Variants in GRID2 observed in about 807,000 individuals in gnomAD.
GRID2 encodes glutamate ionotropic receptor delta type subunit 2.
In GRID2, 33 loss-of-function variants were observed where a neutral mutation model predicts 114.8. That is an observed-to-expected ratio of 0.29 (90% confidence interval 0.22 to 0.38). The LOEUF is 0.38. Among genes scored for constraint, GRID2 ranks in the 10% least tolerant of loss-of-function variants. The pLI, the probability that GRID2 is intolerant of heterozygous loss-of-function variation, is 1.00. For missense variants in GRID2, 1,184 were observed against 1,257.7 expected (o/e 0.94, Z 0.89); for synonymous variants, 505 against 449.9 (o/e 1.12, Z -1.55).
At chr4:93,084,451 G>A (rs6836646) in intron 2 of GRID2, among the ~76,000 whole-genome samples, 51,990 of 151,982 alleles carry the variant, frequency 0.34, 9,298 homozygotes, top group Admixed American at 0.5. Flanking sequence ...TTATGGAAAG[G>A]GGCAATGTCA....
intron 1 of GRID2, among the ~76,000 whole-genome samples, chr4:92,589,727 A>G (rs982964473): frequency 5.3e-5 from 8 of 152,204 alleles, no homozygotes; most frequent in African/African-American, 1.9e-4. Context: ...TGATTCCTAT[A>G]TATTCTATGA....
intron 15 of GRID2, among the ~76,000 whole-genome samples, chr4:93,769,682 T>C (rs759159434): frequency 3.3e-5 from 5 of 152,174 alleles, no homozygotes; most frequent in Non-Finnish European, 5.9e-5. Context: ...GACTTAGAAA[T>C]TCATATACCA....
At chr4:92,820,399 A>G (rs935836426) in intron 2 of GRID2, among the ~76,000 whole-genome samples, 3 of 152,174 alleles carry the variant, frequency 2.0e-5, no homozygotes, top group Non-Finnish European at 4.4e-5. Flanking sequence ...TCAGAGAAAC[A>G]GTTAAGATAG....
At chr4:92,834,009 A>T (rs1742290161) in intron 2 of GRID2, 1 of 152,238 alleles carries the variant, frequency 6.6e-6, no homozygotes, top group Admixed American at 6.5e-5. Flanking sequence ...CAAATAAGTT[A>T]GGTCCCAAAT....
At position 92,735,829 on chromosome 4, in the gene GRID2, TAATC is replaced by T. The variant is rs1736568769; in HGVS notation, c.244+145547_244+145550del. ...CTTGATAGTACTTGTTCTCAACTAA[TAATC>T]AATGAAGCCATATAAGTTTGGATCT... On this transcript the variant is annotated intron_variant, in intron 2 of 15. Coordinates refer to ENST00000282020, the MANE Select transcript of GRID2 (RefSeq NM_001510.4). 2.6e-5 allele frequency among the ~76,000 whole-genome samples: 4 copies of T among 152,198 alleles called. No individual in the cohort carries two copies. The South Asian group carries it at 8.3e-4, about 32-fold the overall frequency.
intron 8 of GRID2, among the ~76,000 whole-genome samples, chr4:93,316,339 A>AGAAGGAAG (rs1553907447): frequency 2.5e-3 from 137 of 54,972 alleles, no homozygotes; most frequent in African/African-American, 7.8e-3. Context: ...AAAGAAAGAA[A>AGAAGGAAG]GAAGGAAGGA....
In GRID2 at chr4:93,644,295, G is replaced by T. The variant is rs1169520124; in HGVS notation, c.2360+17860G>T. Among the ~76,000 whole-genome samples, 2 of 48,088 alleles carry T rather than the reference G, an allele frequency of 4.2e-5. 1 individual carries two copies. The highest frequency in any genetic ancestry group is 3.0e-4 in the Admixed American group (2 of 6,732). The allele number at this position is 48,088 out of a possible 152,430, so 31.5% of individuals were successfully genotyped here. On this transcript the variant is annotated intron_variant, in intron 14 of 15. Coordinates refer to ENST00000282020, the MANE Select transcript of GRID2 (RefSeq NM_001510.4). ...TTCTGCGTCGCTCACGCTGGGAGCT[G>T]TAGACCGGAGCTGTTCCTATTCGGC...
intron 11 of GRID2, among the ~76,000 whole-genome samples, chr4:93,457,843 T>A (rs539079465): frequency 6.6e-6 from 1 of 152,282 alleles, no homozygotes; most frequent in South Asian, 2.1e-4. Context: ...ACAGGAGAGA[T>A]GATACATTCA....
rs183259557 is a variant in GRID2, at chr4:93,419,889, T to C, written c.1348-2882T>C. Among the ~76,000 whole-genome samples the C allele has an allele frequency of 4.6e-5, 7 of 152,236 alleles. No individual in the cohort carries two copies. In the East Asian group the frequency reaches 1.2e-3, roughly 25 times the overall value. Reference sequence around the variant, plus strand: ...GTTATGAGTTAAAAATGAAAAAGAATTAATAGTTTTTAGCAACATATACAT... The same window carrying C: ...GTTATGAGTTAAAAATGAAAAAGAACTAATAGTTTTTAGCAACATATACAT... On this transcript the variant is annotated intron_variant, in intron 9 of 15. Coordinates refer to ENST00000282020, the MANE Select transcript of GRID2 (RefSeq NM_001510.4).
chr4:92,354,487 T>C (rs1032965386), intron 1 of GRID2, among the ~76,000 whole-genome samples: 4 of 152,032 alleles, frequency 2.6e-5, no homozygotes, highest in Non-Finnish European at 5.9e-5. Context: ...GTTTCTGTTT[T>C]TGCAGTCAGA....
At chr4:93,407,109 T>G (rs550762092) in intron 9 of GRID2, among the ~76,000 whole-genome samples, 4 of 152,262 alleles carry the variant, frequency 2.6e-5, no homozygotes, top group Non-Finnish European at 5.9e-5. Flanking sequence ...AAGAAAAAAC[T>G]AAGTCCCTAA....
intron 2 of GRID2, among the ~76,000 whole-genome samples, chr4:92,595,256 A>G (rs1560478944): frequency 6.6e-6 from 1 of 151,996 alleles, no homozygotes; most frequent in Non-Finnish European, 1.5e-5. Flanking sequence ...CAATATCATT[A>G]TAATTTAAAA....
intron 8 of GRID2, among the ~76,000 whole-genome samples, chr4:93,377,971 G>A (rs569962503): frequency 5.3e-5 from 8 of 152,026 alleles, no homozygotes; most frequent in East Asian, 1.9e-4. Flanking sequence ...CAACTTTTAC[G>A]TCAAAAAATT....
Position 92,392,064 on chromosome 4 carries a change from C to T in GRID2, c.88+87320C>T, listed in dbSNP as rs1730264524. On this transcript the variant is annotated intron_variant, in intron 1 of 15. Transcript: ENST00000282020. ...TATTATGTTTTATGAAAACATACCA[C>T]TGACAGCTTCCAATAGGAATCAGAA... Among the ~76,000 whole-genome samples, 3 of 152,180 alleles carry T rather than the reference C, an allele frequency of 2.0e-5. No homozygotes were observed. The South Asian group carries it at 6.2e-4, about 31-fold the overall frequency.
At chr4:93,042,293 C>CTATA (rs1328403469) in intron 2 of GRID2, among the ~76,000 whole-genome samples, 15 of 86,510 alleles carry the variant, frequency 1.7e-4, no homozygotes, top group East Asian at 6.5e-4. Context: ...CTCTCTCTCT[C>CTATA]TCTCTCTATA....
At chr4:92,603,539 T>G (rs1729320008) in intron 2 of GRID2, among the ~76,000 whole-genome samples, 1 of 151,762 alleles carries the variant, frequency 6.6e-6, no homozygotes, top group Non-Finnish European at 1.5e-5. Flanking sequence ...AAAAATTAAC[T>G]CAAGATGGAT....
At chr4:93,391,779 A>T (rs559348954) in intron 8 of GRID2, among the ~76,000 whole-genome samples, 8 of 152,208 alleles carry the variant, frequency 5.3e-5, no homozygotes, top group Non-Finnish European at 1.2e-4. Context: ...AAACTTGATC[A>T]TTAGTACACA....
intron 2 of GRID2, among the ~76,000 whole-genome samples, chr4:92,623,285 T>C (rs967360318): frequency 6.6e-6 from 1 of 151,328 alleles, no homozygotes; most frequent in South Asian, 2.1e-4. Context: ...GCATCTGAAC[T>C]ATAAATAAAT....
chr4:93,809,548 G>T (rs1238253950), exon 2 of GRID2: 2 of 152,156 alleles, frequency 1.3e-5, no homozygotes, highest in Non-Finnish European at 2.9e-5. Flanking sequence ...TGGCATCCAA[G>T]AAACTTTGTA....
Sources: allele counts gnomAD v4.1 joint callset (sites outside exome capture counted in the v4.1 genomes callset), GRCh38; gene constraint gnomAD v4.1.1; transcripts MANE v1.5; gene names NCBI Gene and HGNC (gene_info 2026-07-23, HGNC 2026-07-21).